Variants in FNTB observed in about 807,000 individuals in gnomAD.
FNTB encodes the protein farnesyltransferase, CAAX box, subunit beta.
A neutral mutation model predicts 59.4 loss-of-function variants in FNTB; 27 were observed. That is an observed-to-expected ratio of 0.45 (90% CI 0.34 to 0.63). The LOEUF is 0.63. FNTB is among the 20% of genes least tolerant of loss of function. FNTB has a pLI of 0.02. For synonymous variants in FNTB, 230 were observed against 220.7 expected (o/e 1.04, Z -0.37); for missense variants, 449 against 559.6 (o/e 0.80, Z 1.99).
chr14:64,995,318 T>C (rs1888351797), intron 1 of FNTB, among the ~76,000 whole-genome samples: 1 of 152,204 alleles, frequency 6.6e-6, no homozygotes, highest in African/African-American at 2.4e-5. Context: ...AGAGTTACAC[T>C]CTAAAATAAT....
At chr14:64,996,135 A>AG (rs1888385426) in intron 1 of FNTB, among the ~76,000 whole-genome samples, 1 of 150,760 alleles carries the variant, frequency 6.6e-6, no homozygotes, top group Non-Finnish European at 1.5e-5. Context: ...AAAAAAAAAA[A>AG]AAAAAGAAAA....
intron 7 of FNTB, among the ~76,000 whole-genome samples, chr14:65,040,422 T>G (rs935708354): frequency 6.6e-6 from 1 of 151,748 alleles, no homozygotes; most frequent in Non-Finnish European, 1.5e-5. Context: ...TCTGGGTTTT[T>G]AACATTTTAC....
At chr14:64,998,782 C>T (rs1888497111) in intron 1 of FNTB, among the ~76,000 whole-genome samples, 1 of 152,214 alleles carries the variant, frequency 6.6e-6, no homozygotes, top group Non-Finnish European at 1.5e-5. Flanking sequence ...TAGGTCTATA[C>T]TGAGAATACC....
At position 65,013,652 on chromosome 14, in the gene FNTB, A is replaced by G. The variant is rs1006982269; in HGVS notation, c.282+1263A>G. Among the ~76,000 whole-genome samples, 14 of 152,128 alleles carry G rather than the reference A, an allele frequency of 9.2e-5. No individual in the cohort carries two copies. The East Asian group carries it at 2.5e-3, about 27-fold the overall frequency. ...GCAACCTCCGCCTCAGGTTCAAGCG[A>G]TTCTCTTGCCTCAGCCTTCTGAGTG... is the stretch of plus-strand genomic sequence containing the variant. On this transcript the variant is annotated intron_variant, in intron 3 of 11. Coordinates refer to ENST00000246166, the MANE Select transcript of FNTB (RefSeq NM_002028.4).
chr14:65,050,466 C>T (rs759287697), intron 9 of FNTB, among the ~76,000 whole-genome samples: 87 of 152,072 alleles, frequency 5.7e-4, no homozygotes, highest in Non-Finnish European at 1.1e-3. Context: ...GGGCTTGTAC[C>T]TGTAATCCAA....
chr14:65,059,203 T>G (rs888474422), intron 11 of FNTB, among the ~76,000 whole-genome samples: 1 of 152,082 alleles, frequency 6.6e-6, no homozygotes, highest in African/African-American at 2.4e-5. Context: ...TTAAATTTTT[T>G]GTAGAGACAG....
At position 65,012,183 on chromosome 14, in the gene FNTB, T is replaced by C; in HGVS notation, c.210-134T>C. 2 of 1,044,988 alleles carry C rather than the reference T, an allele frequency of 1.9e-6. No individual in the cohort carries two copies. Among genetic ancestry groups the C allele is most frequent in the Non-Finnish European group, 2.8e-6 (2 of 709,386 alleles). 64.7% of individuals were successfully genotyped at this position (1,044,988 alleles called of 1,614,324 possible). A position where few individuals can be genotyped will look rare whatever the true frequency, so the allele number is the denominator to read the frequency against. On this transcript the variant is annotated intron_variant, in intron 2 of 11. Coordinates refer to ENST00000246166, the MANE Select transcript of FNTB (RefSeq NM_002028.4). This position sits in a 1 kb window ranked among gnomAD's most constrained non-coding sequence, Gnocchi z 5.0. ...TGCTCTTTGGAACCAGAGAAGTTGC[T>C]GGTTATCCAGTCAGTGATTGCAGGG... is the stretch of plus-strand genomic sequence containing the variant.
At chr14:65,060,164 G>A (rs1002378663) in intron 11 of FNTB, among the ~76,000 whole-genome samples, 2 of 151,684 alleles carry the variant, frequency 1.3e-5, no homozygotes, top group Non-Finnish European at 2.9e-5. Flanking sequence ...GTAAATACAT[G>A]TTTATTGTTT....
chr14:65,012,138 C>A lies in FNTB; in HGVS notation c.210-179C>A. The A allele has an allele frequency of 1.6e-6, 1 of 634,576 alleles. No individual in the cohort carries two copies. Among genetic ancestry groups the A allele is most frequent in the Non-Finnish European group, 2.7e-6 (1 of 373,470 alleles). 39.3% of individuals were successfully genotyped at this position (634,576 alleles called of 1,614,324 possible). A position where few individuals can be genotyped will look rare whatever the true frequency, so the allele number is the denominator to read the frequency against. On this transcript the variant is annotated intron_variant, in intron 2 of 11. Coordinates refer to ENST00000246166, the MANE Select transcript of FNTB (RefSeq NM_002028.4). The surrounding 1 kb of genome is among the most constrained non-coding windows in gnomAD (Gnocchi z 5.0). ...TGCTTTAGAGACATTCAGACAAGAGCTTCTTTTCTCTGGTTTAGTTGCTCT... is the reference window on the plus strand; with the variant it reads ...TGCTTTAGAGACATTCAGACAAGAGATTCTTTTCTCTGGTTTAGTTGCTCT...
At chr14:65,026,865 A>AAAAAAAAC (rs1377607922) in intron 4 of FNTB, among the ~76,000 whole-genome samples, 5 of 152,104 alleles carry the variant, frequency 3.3e-5, no homozygotes, top group Non-Finnish European at 7.4e-5. Flanking sequence ...CCGCCTCAAA[A>AAAAAAAAC]AAAAAAACAA....
In FNTB at chr14:65,012,471, T is replaced by C. The variant is rs1345950521; in HGVS notation, c.282+82T>C. The C allele has an allele frequency of 7.0e-6, 11 of 1,565,094 alleles. No individual in the cohort carries two copies. The highest frequency in any genetic ancestry group is 9.6e-6 in the Non-Finnish European group (11 of 1,145,064). The stretch of plus-strand genomic sequence containing the variant: ...TTTTCTATTTAAACGTAAAAGACTG[T>C]TGGGGCTGACCTGTTGCAGAGTCAC... On this transcript the variant is annotated intron_variant, in intron 3 of 11. Transcript: ENST00000246166. This position sits in a 1 kb window ranked among gnomAD's most constrained non-coding sequence, Gnocchi z 5.0.
chr14:65,055,531 T>G (rs535373660), intron 11 of FNTB, among the ~76,000 whole-genome samples: 14 of 152,262 alleles, frequency 9.2e-5, no homozygotes, highest in African/African-American at 1.9e-4. Flanking sequence ...TAATTTTTTT[T>G]TGTGAGACAA....
intron 1 of FNTB, among the ~76,000 whole-genome samples, chr14:64,999,835 A>G (rs1307827124): frequency 6.6e-6 from 1 of 152,262 alleles, no homozygotes; most frequent in South Asian, 2.1e-4. Context: ...TACTAACTGC[A>G]TTGGAAAATC....
Position 64,994,739 on chromosome 14 carries a change from G to A in FNTB, c.144+7642G>A, listed in dbSNP as rs763897024. ...GTGAGTGAATGAGTGGTGAATGAAT[G>A]TGAAGCCCTAGGATATGAGTGTACA... On this transcript the variant is annotated intron_variant, in intron 1 of 11. Coordinates refer to ENST00000246166, the MANE Select transcript of FNTB (RefSeq NM_002028.4). This position sits in a 1 kb window ranked among gnomAD's most constrained non-coding sequence, Gnocchi z 4.2. Among the ~76,000 whole-genome samples the A allele has an allele frequency of 1.3e-5, 2 of 152,232 alleles. No individual in the cohort carries two copies. Among genetic ancestry groups the A allele is most frequent in the Non-Finnish European group, 2.9e-5 (2 of 68,038 alleles).
At chr14:65,059,411 T>C (rs747749711) in intron 11 of FNTB, among the ~76,000 whole-genome samples, 26 of 152,168 alleles carry the variant, frequency 1.7e-4, no homozygotes, top group Non-Finnish European at 3.7e-4. Context: ...ACTACTTGCC[T>C]GAGAAACCAT....
chr14:65,003,517 T>C (rs906065901), intron 1 of FNTB: 1 of 152,070 alleles, frequency 6.6e-6, no homozygotes, highest in African/African-American at 2.4e-5. Context: ...CAGAAGTTTG[T>C]TAACATGTAT....
chr14:65,046,126 A>ACCAC (rs752754619), intron 9 of FNTB, among the ~76,000 whole-genome samples: 33 of 152,104 alleles, frequency 2.2e-4, no homozygotes, highest in Non-Finnish European at 3.8e-4. Context: ...ATAGGCATGC[A>ACCAC]CCACCACGCC....
rs549745732 is a variant in FNTB, at chr14:65,023,586, A to G, written c.375-3867A>G. Among the ~76,000 whole-genome samples the G allele has an allele frequency of 2.6e-5, 4 of 152,352 alleles. No individual in the cohort carries two copies. Among genetic ancestry groups the G allele is most frequent in the African/African-American group, 9.6e-5 (4 of 41,578 alleles). On this transcript the variant is annotated intron_variant, in intron 4 of 11. Coordinates refer to ENST00000246166, the MANE Select transcript of FNTB (RefSeq NM_002028.4). The surrounding 1 kb of genome is among the most constrained non-coding windows in gnomAD (Gnocchi z 4.1). ...TGTCTATAGGTGTCTATAAACATCT[A>G]TACGTGTTCTATATTGGCCACTAGC...
Position 65,023,597 on chromosome 14 carries a change from A to G in FNTB, c.375-3856A>G, listed in dbSNP as rs1203843122. Among the ~76,000 whole-genome samples, 1 of 152,216 alleles carries G rather than the reference A, an allele frequency of 6.6e-6. No homozygotes were observed. Among genetic ancestry groups the G allele is most frequent in the Admixed American group, 6.5e-5 (1 of 15,284 alleles). On this transcript the variant is annotated intron_variant, in intron 4 of 11. Transcript: ENST00000246166. The surrounding 1 kb of genome is among the most constrained non-coding windows in gnomAD (Gnocchi z 4.1). ...GTCTATAAACATCTATACGTGTTCT[A>G]TATTGGCCACTAGCCACAGTTAGTT...
Sources: allele counts gnomAD v4.1 joint callset (sites outside exome capture counted in the v4.1 genomes callset), GRCh38; gene constraint gnomAD v4.1.1; non-coding constraint Gnocchi (gnomAD v3.1); transcripts MANE v1.5; gene names NCBI Gene and HGNC (gene_info 2026-07-23, HGNC 2026-07-21).